Variants in SIPA1L3 observed in about 807,000 individuals in gnomAD.
The protein encoded by SIPA1L3 is signal-induced proliferation-associated 1-like protein 3.
Under a neutral mutation model 150.1 loss-of-function variants are expected in SIPA1L3, and 59 were observed. That is an observed-to-expected ratio of 0.39 (90% CI 0.32 to 0.49). The LOEUF (loss-of-function observed/expected upper bound fraction) is 0.49. SIPA1L3 is among the 20% of genes least tolerant of loss of function. The pLI is 0.86. For synonymous variants in SIPA1L3, 1,070 were observed against 1,077.6 expected (o/e 0.99, Z 0.14); for missense variants, 2,211 against 2,489.5 (o/e 0.89, Z 2.38).
chr19:38,167,613 G>A (rs1439547830), intron 15 of SIPA1L3, among the ~76,000 whole-genome samples: 1 of 152,062 alleles, frequency 6.6e-6, no homozygotes, highest in Non-Finnish European at 1.5e-5. Context: ...CCCAGGCTGG[G>A]GTGCAGTAGT....
intron 1 of SIPA1L3, among the ~76,000 whole-genome samples, chr19:37,969,495 T>A (rs2046934632): frequency 2.6e-5 from 4 of 151,852 alleles, no homozygotes; most frequent in Admixed American, 2.6e-4. Flanking sequence ...GAGGTTGCAG[T>A]GAGCTGAGAT....
At chr19:38,090,808 C>T (rs545536428) in intron 4 of SIPA1L3, among the ~76,000 whole-genome samples, 125 of 152,308 alleles carry the variant, frequency 8.2e-4, no homozygotes, top group Non-Finnish European at 1.3e-3. Context: ...AGATGCAGCT[C>T]GGAGTGCCCT....
intron 1 of SIPA1L3, among the ~76,000 whole-genome samples, chr19:37,944,092 C>A (rs561143610): frequency 6.6e-6 from 1 of 152,066 alleles, no homozygotes; most frequent in Non-Finnish European, 1.5e-5. Context: ...GCCTGGCCAA[C>A]ATGGCGAAAC....
At chr19:38,064,641 G>T (rs1411844089) in intron 2 of SIPA1L3, among the ~76,000 whole-genome samples, 1 of 152,290 alleles carries the variant, frequency 6.6e-6, no homozygotes, top group Non-Finnish European at 1.5e-5. Context: ...AGAGGTTGCA[G>T]TGAGCCAAGA....
At chr19:38,064,418 C>T (rs1369947375) in intron 2 of SIPA1L3, among the ~76,000 whole-genome samples, 2 of 152,184 alleles carry the variant, frequency 1.3e-5, no homozygotes, top group East Asian at 3.8e-4. Context: ...AAATGAAGGC[C>T]GGGCACAGTG....
chr19:38,203,388 C>T lies in SIPA1L3; in HGVS notation c.5121-739C>T, dbSNP rs551578177. On this transcript the variant is annotated intron_variant, in intron 20 of 21. Transcript: ENST00000222345. ...AGGAGGGCCAGCCCCCGACCGCCAC[C>T]GCCTCTGTGCCTGTGCACGCACGGC... Among the ~76,000 whole-genome samples, 17 of 152,312 alleles carry T rather than the reference C, an allele frequency of 1.1e-4. No individual in the cohort carries two copies. The South Asian group carries it at 2.5e-3, about 22-fold the overall frequency.
chr19:37,953,561 C>T (rs143997761), intron 1 of SIPA1L3, among the ~76,000 whole-genome samples: 95 of 152,174 alleles, frequency 6.2e-4, no homozygotes, highest in African/African-American at 2.1e-3. Context: ...TGTGTGCATG[C>T]GTGCCAAACT....
At chr19:38,132,937 C>G (rs371826865) in intron 10 of SIPA1L3, among the ~76,000 whole-genome samples, 1 of 152,268 alleles carries the variant, frequency 6.6e-6, no homozygotes, top group Non-Finnish European at 1.5e-5. Flanking sequence ...TGTGAGCCAC[C>G]GCGCCTGGCC....
At chr19:38,059,504 A>T (rs1969403285) in intron 2 of SIPA1L3, among the ~76,000 whole-genome samples, 1 of 152,104 alleles carries the variant, frequency 6.6e-6, no homozygotes. Context: ...GGGTTTCACC[A>T]TGTTAGCTGA....
intron 1 of SIPA1L3, among the ~76,000 whole-genome samples, chr19:38,024,031 C>T (rs534629099): frequency 7.9e-5 from 12 of 151,554 alleles, no homozygotes; most frequent in Non-Finnish European, 1.3e-4. Context: ...GGGGGGTGGA[C>T]GAGGTAAAGG....
chr19:38,119,345 C>T lies in SIPA1L3; in HGVS notation c.2331C>T (p.Gly777=), dbSNP rs1600096297. 6.2e-7 allele frequency: 1 copy of T among 1,613,812 alleles called. No homozygotes were observed. Among genetic ancestry groups the T allele is most frequent in the African/African-American group, 1.3e-5 (1 of 75,036 alleles). ...VTRSKDAPPF[G]PPIPSGTTFR... is the part of the protein sequence containing the mutation. ...GATCCAAAGACGCTCCTCCTTTCGGCCCCCCCATCCCCAGTGGAACCACAT... is the reference window on the plus strand; with the variant it reads ...GATCCAAAGACGCTCCTCCTTTCGGTCCCCCCATCCCCAGTGGAACCACAT... Residue 777 remains glycine, a synonymous_variant, in exon 9 of 22, where the codon GGC becomes GGT. Transcript: ENST00000222345.
chr19:38,012,898 T>C (rs1464930974), intron 1 of SIPA1L3, among the ~76,000 whole-genome samples: 1 of 152,186 alleles, frequency 6.6e-6, no homozygotes, highest in Non-Finnish European at 1.5e-5. Flanking sequence ...CTTGTTTGTA[T>C]GAACTTGATT....
intron 15 of SIPA1L3, among the ~76,000 whole-genome samples, chr19:38,173,283 G>GC (rs1200656418): frequency 6.6e-6 from 1 of 152,236 alleles, no homozygotes; most frequent in Non-Finnish European, 1.5e-5. Context: ...TCCCCGGGCT[G>GC]CGGCCCTTGC....
At chr19:37,992,297 C>T (rs1434947939) in intron 1 of SIPA1L3, among the ~76,000 whole-genome samples, 1 of 152,134 alleles carries the variant, frequency 6.6e-6, no homozygotes, top group Non-Finnish European at 1.5e-5. Flanking sequence ...GATCATAATG[C>T]ACAATTAAGA....
intron 2 of SIPA1L3, among the ~76,000 whole-genome samples, chr19:38,060,605 C>G (rs1969425321): frequency 6.6e-6 from 1 of 152,250 alleles, no homozygotes; most frequent in South Asian, 2.1e-4. Context: ...ACTGTTACCT[C>G]TGGGCCTCTG....
chr19:38,161,065 C>T (rs902276370), intron 13 of SIPA1L3, among the ~76,000 whole-genome samples: 1 of 152,056 alleles, frequency 6.6e-6, no homozygotes, highest in Non-Finnish European at 1.5e-5. Flanking sequence ...AGTTGTGGGC[C>T]GGGCACGGTG....
At chr19:38,175,600 T>C (rs559265739) in intron 15 of SIPA1L3, among the ~76,000 whole-genome samples, 1 of 152,286 alleles carries the variant, frequency 6.6e-6, no homozygotes, top group Admixed American at 6.5e-5. Flanking sequence ...CCACCAGTGC[T>C]GTCTGAGCCC....
chr19:38,169,479 T>C lies in SIPA1L3; in HGVS notation c.4208+4573T>C, dbSNP rs530183492. 2.6e-5 allele frequency among the ~76,000 whole-genome samples: 4 copies of C among 152,064 alleles called. No homozygotes were observed. The South Asian group carries it at 6.2e-4, about 24-fold the overall frequency. The stretch of plus-strand genomic sequence containing the variant: ...CTCCCTCAGCGACTTCTTGGCTGTG[T>C]ACCCCCAGGCAAGTAACTGAACCTC... On this transcript the variant is annotated intron_variant, in intron 15 of 21. Transcript: ENST00000222345.
chr19:38,099,893 C>T (rs1970461701), intron 4 of SIPA1L3, 69 bp from the exon 5 acceptor site: 3 of 1,262,596 alleles, frequency 2.4e-6, no homozygotes, highest in East Asian at 5.4e-5. Context: ...AACAAGATAC[C>T]TCTGCTATGC....
Sources: allele counts gnomAD v4.1 joint callset (sites outside exome capture counted in the v4.1 genomes callset), GRCh38; gene constraint gnomAD v4.1.1; transcripts MANE v1.5; gene names NCBI Gene and HGNC (gene_info 2026-07-23, HGNC 2026-07-21).